Variants in ALG12 observed in about 807,000 individuals in gnomAD.
ALG12 encodes the protein ALG12 alpha-1,6-mannosyltransferase, also known as dol-P-Man:Man(7)GlcNAc(2)-PP-Dol alpha-1,6-mannosyltransferase.
In ALG12, 36 loss-of-function variants were observed where a neutral mutation model predicts 46.0. The ratio of observed to expected loss-of-function variants is 0.78; its 90% CI spans 0.60 to 1.03. ALG12 has a LOEUF of 1.03. ALG12 is among the 50% of genes least tolerant of loss of function. The pLI is 0.00. For synonymous variants in ALG12, 326 were observed against 291.6 expected, an observed-to-expected ratio of 1.12 and a Z score of -1.20; for missense variants, 599 against 633.5, an observed-to-expected ratio of 0.95 and a Z score of 0.58.
chr22:49,913,291 G>C, intron 3 of ALG12, 94 bp downstream of exon 3: 1 of 1,573,614 alleles, frequency 6.4e-7, no homozygotes, highest in South Asian at 1.1e-5. Flanking sequence ...CTAACAGACA[G>C]CGTTCCTGGG....
At chr22:49,873,613 G>T in the ALG12 span, among the ~76,000 whole-genome samples, 11 of 149,946 alleles carry the variant, frequency 7.3e-5, no homozygotes, top group African/African-American at 2.8e-4. Context: ...CGTGCTTGAT[G>T]CAGGATTGCC....
chr22:49,865,939 C>T, the ALG12 span, among the ~76,000 whole-genome samples: 1 of 151,668 alleles, frequency 6.6e-6, no homozygotes, highest in Admixed American at 6.6e-5. Flanking sequence ...CTCAAACTCC[C>T]AGCTTCAAGC....
At position 49,906,893 on chromosome 22, in the gene ALG12, T is replaced by G. The variant is rs1374817569; in HGVS notation, c.992+828A>C. 6.6e-6 allele frequency among the ~76,000 whole-genome samples: 1 copy of G among 152,076 alleles called. No homozygotes were observed. The highest frequency in any genetic ancestry group is 2.4e-5 in the African/African-American group (1 of 41,400). On this transcript the variant is annotated intron_variant, in intron 7 of 9. Coordinates refer to ENST00000330817, the MANE Select transcript of ALG12 (RefSeq NM_024105.4). This position sits in a 1 kb window ranked among gnomAD's most constrained non-coding sequence, Gnocchi z 4.4. ...CACAGGGCCCGGCAGTGATGGACTC[T>G]CCTGGCTCCCTGAGGCTTGCAACAC...
At chr22:49,887,307 A>G in the ALG12 span, 1 of 986,794 alleles carries the variant, frequency 1.0e-6, no homozygotes, top group Non-Finnish European at 1.5e-6. Flanking sequence ...GCCGCTCTCC[A>G]GCTCACCACA....
At chr22:49,886,177 G>T in the ALG12 span, 3 of 706,254 alleles carry the variant, frequency 4.2e-6, no homozygotes, top group Admixed American at 6.8e-5. The surrounding 1 kb of genome is among the most constrained non-coding windows in gnomAD (Gnocchi z 7.7). Context: ...CGTCAGCGAG[G>T]CCATTAAGAG....
At chr22:49,915,874 G>A (rs961955372) in intron 1 of ALG12, among the ~76,000 whole-genome samples, 2 of 152,214 alleles carry the variant, frequency 1.3e-5, no homozygotes, top group Non-Finnish European at 2.9e-5. Context: ...AGCAAAGCCT[G>A]CCGCACAGTA....
At chr22:49,892,177 G>A in the ALG12 span, among the ~76,000 whole-genome samples, 2 of 98,812 alleles carry the variant, frequency 2.0e-5, no homozygotes, top group Admixed American at 3.1e-4. Flanking sequence ...GACAGAGCAA[G>A]ACTCTGTCTC....
chr22:49,875,452 G>C, the ALG12 span, among the ~76,000 whole-genome samples: 323 of 140,010 alleles, frequency 2.3e-3, 10 homozygotes, highest in Admixed American at 0.025. Context: ...ACGGAGTCTT[G>C]CTCTGTCACC....
the ALG12 span, chr22:49,887,573 T>C: frequency 5.6e-6 from 1 of 179,254 alleles, no homozygotes; most frequent in East Asian, 1.7e-4. Context: ...TGTATTTTAG[T>C]GAAGCATTGC....
the ALG12 span, among the ~76,000 whole-genome samples, chr22:49,880,233 T>G: frequency 6.6e-6 from 1 of 152,274 alleles, no homozygotes; most frequent in East Asian, 1.9e-4. Flanking sequence ...CTGCTTGCTG[T>G]TCACTCTTGG....
chr22:49,864,743 C>T, the ALG12 span, among the ~76,000 whole-genome samples: 3 of 141,600 alleles, frequency 2.1e-5, no homozygotes, highest in Non-Finnish European at 4.5e-5. Flanking sequence ...ATTGCTTGGG[C>T]CCAGGAGTTT....
At chr22:49,886,540 A>G in the ALG12 span, 5 of 1,568,146 alleles carry the variant, frequency 3.2e-6, no homozygotes, top group East Asian at 2.2e-5. The surrounding 1 kb of genome is among the most constrained non-coding windows in gnomAD (Gnocchi z 7.7). Flanking sequence ...GGTCATCCCC[A>G]TGGTACACAT....
At chr22:49,909,051 A>C (rs1310773814) in intron 6 of ALG12, among the ~76,000 whole-genome samples, 193 bp downstream of exon 6, 1 of 151,538 alleles carries the variant, frequency 6.6e-6, no homozygotes, top group Non-Finnish European at 1.5e-5. Context: ...TTCCTGGCTG[A>C]GAGAGGGCAG....
At chr22:49,908,851 C>G (rs1383409209) in intron 6 of ALG12, among the ~76,000 whole-genome samples, 1 of 150,622 alleles carries the variant, frequency 6.6e-6, no homozygotes, top group African/African-American at 2.5e-5. Context: ...ACTCATGAGG[C>G]TGAGGCAGGA....
chr22:49,860,715 C>T, the ALG12 span, among the ~76,000 whole-genome samples: 1 of 151,196 alleles, frequency 6.6e-6, no homozygotes, highest in African/African-American at 2.4e-5. Flanking sequence ...AAATAATTAC[C>T]TGTTATAAAG....
intron 6 of ALG12, among the ~76,000 whole-genome samples, chr22:49,908,825 G>A (rs546502164): frequency 4.4e-4 from 67 of 151,364 alleles, no homozygotes; most frequent in African/African-American, 6.3e-4. Context: ...GGTGGCGTGC[G>A]CCTATAGTCC....
chr22:49,869,822 CT>C, the ALG12 span, among the ~76,000 whole-genome samples: 1,843 of 152,284 alleles, frequency 0.012, 22 homozygotes, highest in African/African-American at 0.042. Flanking sequence ...AGAATTTCAA[CT>C]TTGATTTTAG....
chr22:49,886,885 G>T, the ALG12 span: 1 of 1,614,096 alleles, frequency 6.2e-7, no homozygotes, highest in Non-Finnish European at 8.5e-7. The surrounding 1 kb of genome is among the most constrained non-coding windows in gnomAD (Gnocchi z 7.7). Context: ...GAAGAAGAAA[G>T]ACCCAAGAGA....
chr22:49,899,727 C>G (rs2060496195), downstream of ALG12, among the ~76,000 whole-genome samples: 1 of 152,136 alleles, frequency 6.6e-6, no homozygotes, highest in South Asian at 2.1e-4. Context: ...GCAGGGTTAT[C>G]TGAATTTACA....
Sources: allele counts gnomAD v4.1 joint callset (sites outside exome capture counted in the v4.1 genomes callset), GRCh38; gene constraint gnomAD v4.1.1; non-coding constraint Gnocchi (gnomAD v3.1); transcripts MANE v1.5; gene names NCBI Gene and HGNC (gene_info 2026-07-23, HGNC 2026-07-21).